The following CLOCK variants were observed in gnomAD, a reference collection of about 807,000 sequenced individuals.
The protein encoded by CLOCK is clock circadian regulator.
Under a neutral mutation model 118.4 loss-of-function variants are expected in CLOCK, and 43 were observed. The ratio of observed to expected loss-of-function variants is 0.36; its 90% CI spans 0.28 to 0.47. The LOEUF is 0.47. Among genes scored for constraint, CLOCK ranks in the 20% least tolerant of loss-of-function variants. The pLI, the probability that CLOCK is intolerant of heterozygous loss-of-function variation, is 1.00. For missense variants in CLOCK, 846 were observed against 999.9 expected, an observed-to-expected ratio of 0.85 and a Z score of 2.08; for synonymous variants, 326 against 339.2, an observed-to-expected ratio of 0.96 and a Z score of 0.43.
chr4:55,484,428 G>A (rs1004735759), intron 3 of CLOCK, among the ~76,000 whole-genome samples: 2 of 152,136 alleles, frequency 1.3e-5, no homozygotes, highest in Non-Finnish European at 2.9e-5. Context: ...ACTAACACCA[G>A]GATGAAAAGT....
chr4:55,518,443 G>A (rs1729655512), intron 1 of CLOCK, among the ~76,000 whole-genome samples: 1 of 152,300 alleles, frequency 6.6e-6, no homozygotes, highest in East Asian at 1.9e-4. Context: ...CACTATCTTT[G>A]CTTAAAAGGT....
chr4:55,527,766 G>C (rs546196335), intron 1 of CLOCK, among the ~76,000 whole-genome samples: 1 of 152,200 alleles, frequency 6.6e-6, no homozygotes, highest in Non-Finnish European at 1.5e-5. Flanking sequence ...ATATCAGCTG[G>C]GTGTGGTGGC....
At chr4:55,470,875 T>G (rs1726099013) in intron 7 of CLOCK, 69 bp from the exon 8 acceptor site, 1 of 1,032,148 alleles carries the variant, frequency 9.7e-7, no homozygotes, top group East Asian at 2.4e-5. Flanking sequence ...AATAAAAATT[T>G]GAGATAAATG....
In CLOCK at chr4:55,444,654, C is replaced by T. The variant is rs202127369; in HGVS notation, c.1671G>A (p.Met557Ile). 1 of 1,614,032 alleles carries T rather than the reference C, an allele frequency of 6.2e-7. No individual in the cohort carries two copies. The highest frequency in any genetic ancestry group is 8.5e-7 in the Non-Finnish European group (1 of 1,179,988). ...ELRKIQEQLQ[M>I]VHGQGLQMFL... ...TTACCTGCAGCCCCTGACCATGGAC[C>T]ATCTGAAGTTGTTCTTGAATTTTTC... is the stretch of plus-strand genomic sequence containing the variant. The change falls in exon 19 of 23, where the codon ATG becomes ATA. Residue 557 changes from methionine (M) to isoleucine (I), a missense_variant. Physicochemically the swap from Met to Ile is conservative, Grantham distance 10. Coordinates refer to ENST00000513440, the MANE Select transcript of CLOCK (RefSeq NM_004898.4).
intron 11 of CLOCK, among the ~76,000 whole-genome samples, chr4:55,456,787 T>A (rs901983987): frequency 6.6e-6 from 1 of 152,092 alleles, no homozygotes; most frequent in Non-Finnish European, 1.5e-5. Context: ...CAAGCGATCC[T>A]CCTGCCTCAG....
intron 1 of CLOCK, among the ~76,000 whole-genome samples, chr4:55,510,620 C>T (rs1729078541): frequency 1.9e-5 from 2 of 102,980 alleles, no homozygotes; most frequent in African/African-American, 8.7e-5. Flanking sequence ...GAACAAGACT[C>T]TGTCTTTTTA....
intron 22 of CLOCK, among the ~76,000 whole-genome samples, chr4:55,436,849 T>C (rs1001894968): frequency 1.3e-5 from 2 of 151,582 alleles, no homozygotes; most frequent in African/African-American, 2.4e-5. Context: ...ATGAGGGGTA[T>C]TGCCTATCTT....
intron 8 of CLOCK, among the ~76,000 whole-genome samples, chr4:55,464,911 G>A (rs1284663831): frequency 1.3e-5 from 2 of 151,886 alleles, no homozygotes; most frequent in East Asian, 3.9e-4. Context: ...CTTTTCTCCA[G>A]CCCTCCAAGC....
intron 11 of CLOCK, among the ~76,000 whole-genome samples, chr4:55,458,163 T>A (rs899898961): frequency 6.6e-6 from 1 of 152,134 alleles, no homozygotes; most frequent in Non-Finnish European, 1.5e-5. Flanking sequence ...TGGGCTCAAA[T>A]GATCCTCCTG....
chr4:55,448,463 G>GGACCAT (rs1393286560), intron 18 of CLOCK, among the ~76,000 whole-genome samples: 1 of 152,042 alleles, frequency 6.6e-6, no homozygotes, highest in African/African-American at 2.4e-5. Flanking sequence ...TAGTATTCCT[G>GGACCAT]GACCATGCTC....
chr4:55,478,160 TA>T (rs1490480614), intron 6 of CLOCK, among the ~76,000 whole-genome samples: 5 of 152,072 alleles, frequency 3.3e-5, no homozygotes, highest in Non-Finnish European at 7.4e-5. Context: ...AATCTATTAT[TA>T]TCTGTTACCA....
Position 55,438,561 on chromosome 4 carries a change from A to T in CLOCK, c.2106-24T>A, listed in dbSNP as rs1465340796. On this transcript the variant is annotated intron_variant, in intron 21 of 22. Transcript: ENST00000513440. ...ATCTGTTAGAAGAAAGAAGGAAAAA[A>T]ATTGGAGTCCAAAGTACAAGGTATA... 8.1e-6 allele frequency: 13 copies of T among 1,612,380 alleles called. No homozygotes were observed. The Admixed American group carries it at 1.0e-4, about 12-fold the overall frequency.
intron 1 of CLOCK, among the ~76,000 whole-genome samples, chr4:55,540,168 C>T (rs142902983): frequency 0.15 from 22,516 of 151,686 alleles, 2,006 homozygotes; most frequent in Non-Finnish European, 0.2. Context: ...CCACCATGCC[C>T]GGCTAATTTT....
At position 55,446,855 on chromosome 4, in the gene CLOCK, G is replaced by A. The variant is rs2109720092; in HGVS notation, c.1539+1924C>T. Among the ~76,000 whole-genome samples the A allele has an allele frequency of 2.0e-5, 3 of 152,268 alleles. No individual in the cohort carries two copies. In the Middle Eastern group the frequency reaches 0.01, roughly 518 times the overall value. On this transcript the variant is annotated intron_variant, in intron 18 of 22. Transcript: ENST00000513440. ...CTCTTACAGTGAACTGTATGTAAAA[G>A]TGAGAAATGTCCTCCCCATCCAAAG...
At chr4:55,441,230 C>T (rs1217158194) in intron 21 of CLOCK, among the ~76,000 whole-genome samples, 1 of 152,170 alleles carries the variant, frequency 6.6e-6, no homozygotes, top group African/African-American at 2.4e-5. Context: ...TATCACCTTA[C>T]CCAGCCAGAC....
At chr4:55,536,544 T>C (rs1000426117) in intron 1 of CLOCK, among the ~76,000 whole-genome samples, 32 of 152,172 alleles carry the variant, frequency 2.1e-4, no homozygotes, top group Non-Finnish European at 2.9e-5. Flanking sequence ...ACTCTTGCCT[T>C]GTCATGCACC....
chr4:55,476,485 G>A (rs1180520376), intron 6 of CLOCK, among the ~76,000 whole-genome samples: 2 of 152,184 alleles, frequency 1.3e-5, no homozygotes, highest in Non-Finnish European at 2.9e-5. Context: ...CACTAGGTTT[G>A]CTTTCAACAA....
chr4:55,526,477 A>G (rs1341653260), intron 1 of CLOCK, among the ~76,000 whole-genome samples: 6 of 152,246 alleles, frequency 3.9e-5, no homozygotes, highest in Non-Finnish European at 7.3e-5. Flanking sequence ...ATTCTTGTTA[A>G]GAGTCAAACT....
chr4:55,512,943 G>A (rs1420285671), intron 1 of CLOCK, among the ~76,000 whole-genome samples: 1 of 152,184 alleles, frequency 6.6e-6, no homozygotes, highest in African/African-American at 2.4e-5. Context: ...ATAATATGGA[G>A]CTGAAAAATT....
Sources: gnomAD v4.1 joint callset for allele counts (sites outside exome capture counted in the v4.1 genomes callset) on GRCh38, gnomAD v4.1.1 for gene constraint, MANE v1.5 for transcripts, NCBI Gene and HGNC (gene_info 2026-07-23, HGNC 2026-07-21) for gene names.